SNX20: variants seen among roughly 807,000 people sequenced by gnomAD.
The protein encoded by SNX20 is sorting nexin 20.
SNX20 carries 21 observed loss-of-function variants against 24.5 expected under a neutral mutation model. The observed-to-expected ratio is 0.86, with a 90% CI of 0.61 to 1.23. The LOEUF (loss-of-function observed/expected upper bound fraction) is 1.23. SNX20 is among the 50% of genes most tolerant of loss of function. The pLI, the probability that SNX20 is intolerant of heterozygous loss-of-function variation, is 0.00. For missense variants in SNX20, 433 were observed against 430.8 expected (o/e 1.00, Z -0.04); for synonymous variants, 206 against 192.8 (o/e 1.07, Z -0.57).
chr16:50,668,910 G>C, downstream of SNX20: 1 of 1,459,058 alleles, frequency 6.9e-7, no homozygotes, highest in South Asian at 1.4e-5. Context: ...CCAGCCTGAA[G>C]CCAGAAAGCT....
Position 50,677,444 on chromosome 16 carries a change from G to T in SNX20, c.83C>A (p.Pro28Gln), listed in dbSNP as rs139518224. ...GTGCGGGAGGTCGGGGCCAGTGGCT[G>T]GTGCTTCCTGCTGGGTCCTTGCCGT... is the stretch of plus-strand genomic sequence containing the variant. ...QCTARTQQEA[P>Q]ATGPDLPHPG... is the part of the protein sequence containing the mutation. Residue 28 changes from proline to glutamine, a missense_variant, in exon 2 of 4, where the codon CCA becomes CAA. Physicochemically the swap from Pro to Gln is moderately conservative, Grantham distance 76 (BLOSUM62 -1). Coordinates refer to ENST00000330943, the MANE Select transcript of SNX20 (RefSeq NM_182854.4). The T allele has an allele frequency of 8.3e-5, 133 of 1,609,458 alleles. No homozygotes were observed. The African/African-American group carries it at 1.7e-3, about 20-fold the overall frequency.
intron 1 of SNX20, among the ~76,000 whole-genome samples, chr16:50,678,714 A>G (rs1963235244): frequency 1.3e-5 from 2 of 152,190 alleles, no homozygotes; most frequent in Non-Finnish European, 2.9e-5. Context: ...GGTTTACATA[A>G]TAACTCTGTC....
chr16:50,668,524 C>T (rs568361795), downstream of SNX20: 630 of 1,009,986 alleles, frequency 6.2e-4, no homozygotes, highest in Non-Finnish European at 7.2e-4. Context: ...TAGGAAGTTT[C>T]TTTTTCAAGT....
intron 2 of SNX20, among the ~76,000 whole-genome samples, chr16:50,676,833 G>A (rs1963192671): frequency 6.6e-6 from 1 of 152,262 alleles, no homozygotes; most frequent in Admixed American, 6.5e-5. Flanking sequence ...AACAGAGCAG[G>A]TATTGAATAG....
Position 50,677,476 on chromosome 16 carries a change from G to T in SNX20, c.51C>A (p.Thr17=). ...PGSPGCMGPI[T]QCTARTQQEA... ...CCTGCTGGGTCCTTGCCGTGCACTG[G>T]GTTATGGGTCCCATGCAGCCAGGGC... The change falls in exon 2 of 4, where the codon ACC becomes ACA. Residue 17 remains threonine, a synonymous_variant. Transcript: ENST00000330943. The T allele has an allele frequency of 6.2e-7, 1 of 1,609,520 alleles. No homozygotes were observed.
At chr16:50,668,165 A>G, downstream of SNX20, 1 of 1,538,118 alleles carries the variant, frequency 6.5e-7, no homozygotes, top group Non-Finnish European at 8.8e-7. Flanking sequence ...CAAAGTCTCC[A>G]GGGTGCTTGG....
chr16:50,678,441 C>T (rs866040037), intron 1 of SNX20, among the ~76,000 whole-genome samples: 3 of 152,174 alleles, frequency 2.0e-5, no homozygotes, highest in African/African-American at 4.8e-5. Flanking sequence ...GGTGAGTGTG[C>T]GCAACAAGCA....
chr16:50,667,991 T>A (rs960932150), downstream of SNX20: 1 of 1,550,806 alleles, frequency 6.4e-7, no homozygotes. Flanking sequence ...CCCAGAACGC[T>A]CGCTCCATCT....
At chr16:50,668,602 C>A, downstream of SNX20, 1 of 1,016,278 alleles carries the variant, frequency 9.8e-7, no homozygotes, top group South Asian at 4.2e-5. Context: ...CAGGCTGTGG[C>A]ATTGTTGGGC....
Position 50,679,417 on chromosome 16 carries a change from C to T in SNX20, c.-10+1773G>A, listed in dbSNP as rs901339376. 2.0e-5 allele frequency among the ~76,000 whole-genome samples: 3 copies of T among 152,162 alleles called. No individual in the cohort carries two copies. The East Asian group carries it at 5.8e-4, about 29-fold the overall frequency. ...TGCTTGCTGTGTCGGGTGAAAGGAA[C>T]CCTGGGGCCTTCTCCGTTTGGCTCT... On this transcript the variant is annotated intron_variant, in intron 1 of 3. Transcript: ENST00000330943.
chr16:50,675,483 T>C (rs1963159944), intron 3 of SNX20, among the ~76,000 whole-genome samples: 1 of 152,142 alleles, frequency 6.6e-6, no homozygotes, highest in Non-Finnish European at 1.5e-5. Flanking sequence ...TATGGCAAAA[T>C]TGGTGAAGAA....
downstream of SNX20, chr16:50,668,694 A>G (rs1443520690): frequency 2.8e-6 from 3 of 1,064,874 alleles, no homozygotes; most frequent in African/African-American, 5.0e-5. Flanking sequence ...GCCAGGAAGC[A>G]TTTGGAGACG....
At chr16:50,668,370 G>T, downstream of SNX20, 1 of 1,062,094 alleles carries the variant, frequency 9.4e-7, no homozygotes, top group Non-Finnish European at 1.2e-6. Context: ...TTTAACAAAA[G>T]TCTACCAGCG....
chr16:50,668,873 G>A (rs1198191018), downstream of SNX20: 17 of 1,406,298 alleles, frequency 1.2e-5, no homozygotes, highest in Non-Finnish European at 2.8e-6. Flanking sequence ...AGGCCAAGGG[G>A]TCACAGTCCA....
At chr16:50,666,875 G>A (rs911640132), downstream of SNX20, 10 of 152,314 alleles carry the variant, frequency 6.6e-5, no homozygotes, top group African/African-American at 2.2e-4. Flanking sequence ...TGCCAGGGGA[G>A]AGCTCTCTCT....
chr16:50,668,466 A>G (rs965031370), downstream of SNX20: 34 of 832,218 alleles, frequency 4.1e-5, no homozygotes, highest in Non-Finnish European at 5.1e-5. Context: ...TTTTGTAGCT[A>G]CTTTCTAATT....
At chr16:50,676,986 G>C (rs1042140023) in intron 2 of SNX20, among the ~76,000 whole-genome samples, 5 of 152,218 alleles carry the variant, frequency 3.3e-5, no homozygotes, top group Admixed American at 6.5e-5. Context: ...GCTTTCTAGG[G>C]CCATAGCAGC....
intron 1 of SNX20, 117 bp from the exon 2 acceptor site, chr16:50,677,652 G>T: frequency 8.7e-7 from 1 of 1,144,512 alleles, no homozygotes; most frequent in African/African-American, 1.6e-5. Context: ...AATGACAAGG[G>T]CCCCACGGCT....
At chr16:50,674,320 C>T (rs1420625415) in intron 3 of SNX20, among the ~76,000 whole-genome samples, 1 of 151,922 alleles carries the variant, frequency 6.6e-6, no homozygotes, top group Non-Finnish European at 1.5e-5. Flanking sequence ...TGCGATCATA[C>T]CTCACTGCAA....
Sources: gnomAD v4.1 joint callset for allele counts (sites outside exome capture counted in the v4.1 genomes callset) on GRCh38, gnomAD v4.1.1 for gene constraint, MANE v1.5 for transcripts, NCBI Gene and HGNC (gene_info 2026-07-23, HGNC 2026-07-21) for gene names.